RABGAP1L: variants seen among roughly 807,000 people sequenced by gnomAD.
RABGAP1L encodes rab GTPase-activating protein 1-like.
Under a neutral mutation model 137.7 loss-of-function variants are expected in RABGAP1L, and 63 were observed. That is an observed-to-expected ratio of 0.46 (90% CI 0.37 to 0.56). The LOEUF (loss-of-function observed/expected upper bound fraction) is 0.56, where lower values mean the gene tolerates loss of function less well. RABGAP1L is among the 20% of genes least tolerant of loss of function. RABGAP1L has a pLI of 0.00. For missense variants in RABGAP1L, 1,095 were observed against 1,244.0 expected (o/e 0.88, Z 1.80); for synonymous variants, 431 against 433.7 (o/e 0.99, Z 0.08).
At chr1:174,793,786 C>G (rs1444932844) in intron 18 of RABGAP1L, among the ~76,000 whole-genome samples, 1 of 152,020 alleles carries the variant, frequency 6.6e-6, no homozygotes, top group Non-Finnish European at 1.5e-5. Context: ...ACCTCTGCCT[C>G]CCAGGTTCAA....
chr1:174,888,844 G>A (rs6658861), intron 19 of RABGAP1L, among the ~76,000 whole-genome samples: 76,345 of 151,978 alleles, frequency 0.5, 21,691 homozygotes, highest in African/African-American at 0.79. Flanking sequence ...CATTGTGCCT[G>A]GGGGAATTAT....
At chr1:174,789,533 G>C (rs1042798656) in intron 18 of RABGAP1L, among the ~76,000 whole-genome samples, 4 of 151,960 alleles carry the variant, frequency 2.6e-5, no homozygotes, top group Non-Finnish European at 5.9e-5. Context: ...TAACTGAGAA[G>C]GGCAAAGACT....
At chr1:174,837,587 G>T (rs1333938577) in intron 19 of RABGAP1L, among the ~76,000 whole-genome samples, 1 of 152,212 alleles carries the variant, frequency 6.6e-6, no homozygotes, top group Non-Finnish European at 1.5e-5. Flanking sequence ...TTCAATTCCA[G>T]TGGCATATGG....
At chr1:174,296,134 C>A (rs1371389487) in intron 10 of RABGAP1L, among the ~76,000 whole-genome samples, 1 of 152,086 alleles carries the variant, frequency 6.6e-6, no homozygotes, top group Non-Finnish European at 1.5e-5. Flanking sequence ...GAAATAGTTT[C>A]CAGCAGGAGA....
intron 13 of RABGAP1L, among the ~76,000 whole-genome samples, chr1:174,530,350 T>C (rs1664281946): frequency 1.3e-5 from 2 of 152,144 alleles, no homozygotes; most frequent in Non-Finnish European, 2.9e-5. Flanking sequence ...TAATCTGTTG[T>C]AGACAGCACT....
chr1:174,824,629 G>A (rs1197924967), intron 19 of RABGAP1L, among the ~76,000 whole-genome samples: 1 of 152,080 alleles, frequency 6.6e-6, no homozygotes, highest in African/African-American at 2.4e-5. Flanking sequence ...ACCAATGCCT[G>A]TACTCTGGGG....
intron 13 of RABGAP1L, among the ~76,000 whole-genome samples, chr1:174,404,835 T>G (rs530834881): frequency 6.6e-6 from 1 of 152,338 alleles, no homozygotes; most frequent in Admixed American, 6.5e-5. Flanking sequence ...AATATTAATT[T>G]GGTAGTTGCT....
intron 10 of RABGAP1L, among the ~76,000 whole-genome samples, chr1:174,291,681 T>A (rs543515511): frequency 6.6e-6 from 1 of 152,258 alleles, no homozygotes; most frequent in Non-Finnish European, 1.5e-5. Context: ...TTTCTTGAAA[T>A]GTTGGTGATT....
chr1:174,444,845 A>G (rs1174079401), intron 13 of RABGAP1L, among the ~76,000 whole-genome samples: 1 of 151,954 alleles, frequency 6.6e-6, no homozygotes, highest in East Asian at 1.9e-4. Context: ...TAGTCTAGCT[A>G]AGGGTTTGTT....
In RABGAP1L at chr1:174,526,826, G is replaced by A. The variant is rs548618955; in HGVS notation, c.1711-110549G>A. Among the ~76,000 whole-genome samples the A allele has an allele frequency of 1.1e-4, 17 of 151,674 alleles. No individual in the cohort carries two copies. The South Asian group carries it at 1.5e-3, about 13-fold the overall frequency. The stretch of plus-strand genomic sequence containing the variant: ...GCTTTTTTAGTATCTATTTTGTTTA[G>A]CTCTGCTCTTATCTTTATTATTTCT... On this transcript the variant is annotated intron_variant, in intron 13 of 25. Coordinates refer to ENST00000681986, the MANE Select transcript of RABGAP1L (RefSeq NM_001366446.1).
At chr1:174,807,415 C>G (rs994354582) in intron 18 of RABGAP1L, among the ~76,000 whole-genome samples, 1 of 152,124 alleles carries the variant, frequency 6.6e-6, no homozygotes, top group Non-Finnish European at 1.5e-5. Context: ...CAAATCTTTG[C>G]AGAACAAGAA....
chr1:174,615,619 G>T (rs1671758662), intron 13 of RABGAP1L, among the ~76,000 whole-genome samples: 1 of 152,188 alleles, frequency 6.6e-6, no homozygotes, highest in East Asian at 1.9e-4. Context: ...TGTCAGACAG[G>T]GACATTTAAG....
rs753874186 is a variant in RABGAP1L at position 174,219,310 on chromosome 1, T to C, written c.138+15T>C. On this transcript the variant is annotated intron_variant, in intron 2 of 25. Coordinates refer to ENST00000681986, the MANE Select transcript of RABGAP1L (RefSeq NM_001366446.1). Reference sequence around the variant, plus strand: ...CTCAACTGAAGGTATTTTTTTCTTTTCTACATATGGTATAATTTTTAATTA... The same window carrying C: ...CTCAACTGAAGGTATTTTTTTCTTTCCTACATATGGTATAATTTTTAATTA... 1.3e-6 allele frequency: 2 copies of C among 1,502,158 alleles called. No homozygotes were observed. The highest frequency in any genetic ancestry group is 1.8e-6 in the Non-Finnish European group (2 of 1,109,410). The allele number at this position is 1,502,158 out of a possible 1,614,324, so 93.1% of individuals were successfully genotyped here. A position where few individuals can be genotyped will look rare whatever the true frequency, so the allele number is the denominator to read the frequency against.
intron 19 of RABGAP1L, among the ~76,000 whole-genome samples, chr1:174,892,068 A>G (rs1656245130): frequency 6.6e-6 from 1 of 152,246 alleles, no homozygotes; most frequent in South Asian, 2.1e-4. Flanking sequence ...TGGTGGCCGC[A>G]GCGGTAGCTG....
chr1:174,486,395 G>A (rs1425787553), intron 13 of RABGAP1L, among the ~76,000 whole-genome samples: 1 of 149,984 alleles, frequency 6.7e-6, no homozygotes, highest in Non-Finnish European at 1.5e-5. Context: ...TGCCCAGGCT[G>A]GAGTGCAGTG....
chr1:174,954,659 GA>G (rs1187515649), intron 19 of RABGAP1L, among the ~76,000 whole-genome samples: 1 of 152,088 alleles, frequency 6.6e-6, no homozygotes, highest in African/African-American at 2.4e-5. Context: ...CTTCCACATG[GA>G]ACTAATTCTC....
At chr1:174,622,781 C>G (rs776255274) in intron 13 of RABGAP1L, among the ~76,000 whole-genome samples, 10 of 152,154 alleles carry the variant, frequency 6.6e-5, no homozygotes, top group Admixed American at 2.0e-4. Flanking sequence ...GTGCAGCACA[C>G]CAGCATGGCA....
At chr1:174,565,696 A>G (rs1207306707) in intron 13 of RABGAP1L, among the ~76,000 whole-genome samples, 2 of 152,180 alleles carry the variant, frequency 1.3e-5, no homozygotes, top group South Asian at 2.1e-4. Flanking sequence ...GCTGGTTTGT[A>G]TAGCTTAAAC....
chr1:174,172,671 C>A (rs1665515296), intron 1 of RABGAP1L, among the ~76,000 whole-genome samples: 1 of 152,200 alleles, frequency 6.6e-6, no homozygotes, highest in African/African-American at 2.4e-5. Context: ...TCTTTAGGTT[C>A]TTTGCCCATT....
Sources: gnomAD v4.1 joint callset for allele counts (sites outside exome capture counted in the v4.1 genomes callset) on GRCh38, gnomAD v4.1.1 for gene constraint, MANE v1.5 for transcripts, NCBI Gene and HGNC (gene_info 2026-07-23, HGNC 2026-07-21) for gene names.